The following THRB variants were observed in gnomAD, a reference collection of about 807,000 sequenced individuals.
THRB encodes nuclear receptor subfamily 1 group A member 2.
Under a neutral mutation model 47.8 loss-of-function variants are expected in THRB, and 12 were observed. That is an observed-to-expected ratio of 0.25 (90% confidence interval 0.16 to 0.41). The LOEUF is 0.41. THRB is among the 10% of genes least tolerant of loss of function. THRB has a pLI of 1.00. For missense variants in THRB, 348 were observed against 589.2 expected (o/e 0.59, Z 4.24); for synonymous variants, 218 against 212.2 (o/e 1.03, Z -0.24).
chr3:24,392,763 T>C (rs756070526), intron 1 of THRB, among the ~76,000 whole-genome samples: 7 of 152,156 alleles, frequency 4.6e-5, no homozygotes, highest in African/African-American at 9.7e-5. Context: ...TTTGTACTTA[T>C]ATGTTTAGAT....
chr3:24,178,638 G>C (rs1196693150), intron 5 of THRB, among the ~76,000 whole-genome samples: 1 of 152,180 alleles, frequency 6.6e-6, no homozygotes, highest in African/African-American at 2.4e-5. Context: ...CATGAACCTG[G>C]AGGACATTAT....
At chr3:24,293,595 G>A (rs1297083907) in intron 3 of THRB, among the ~76,000 whole-genome samples, 1 of 152,070 alleles carries the variant, frequency 6.6e-6, no homozygotes, top group Non-Finnish European at 1.5e-5. Context: ...CTGTTACAAA[G>A]GTACAGTAAT....
chr3:24,417,283 G>T (rs2068839191), intron 1 of THRB, among the ~76,000 whole-genome samples: 1 of 151,850 alleles, frequency 6.6e-6, no homozygotes, highest in South Asian at 2.1e-4. Context: ...CGCTAATAAT[G>T]TAAAATAAAT....
At chr3:24,341,182 C>CGTTT (rs2062620575) in intron 1 of THRB, among the ~76,000 whole-genome samples, 1 of 85,294 alleles carries the variant, frequency 1.2e-5, no homozygotes, top group African/African-American at 7.1e-5. Flanking sequence ...CCTTTCCTTT[C>CGTTT]CTTTCGTTTC....
At chr3:24,241,104 G>A (rs185326461) in intron 3 of THRB, among the ~76,000 whole-genome samples, 4 of 152,268 alleles carry the variant, frequency 2.6e-5, no homozygotes, top group African/African-American at 7.2e-5. Context: ...GCAACAAAAC[G>A]GCAATGAGAC....
chr3:24,337,874 A>C (rs112209745), intron 1 of THRB, among the ~76,000 whole-genome samples: 4,747 of 152,242 alleles, frequency 0.031, 92 homozygotes, highest in African/African-American at 0.052. Context: ...TCAGGGTATG[A>C]ATGTAAGCAT....
At chr3:24,159,767 GTGTT>G (rs2038490384) in intron 5 of THRB, among the ~76,000 whole-genome samples, 1 of 135,076 alleles carries the variant, frequency 7.4e-6, no homozygotes. Flanking sequence ...GTGTGTGTGT[GTGTT>G]TGCTACTGGT....
At chr3:24,127,044 C>T (rs965480248) in intron 10 of THRB, among the ~76,000 whole-genome samples, 16 of 152,278 alleles carry the variant, frequency 1.1e-4, no homozygotes, top group African/African-American at 2.6e-4. Flanking sequence ...AGTTTTGGGT[C>T]GGTGTGCTAT....
At chr3:24,180,040 C>T (rs1032538083) in intron 5 of THRB, among the ~76,000 whole-genome samples, 4 of 152,134 alleles carry the variant, frequency 2.6e-5, no homozygotes, top group African/African-American at 9.7e-5. Flanking sequence ...CCTGGAAACC[C>T]ATTCAATTGA....
intron 3 of THRB, among the ~76,000 whole-genome samples, chr3:24,273,652 T>A (rs1435862871): frequency 1.3e-5 from 2 of 152,218 alleles, no homozygotes; most frequent in Admixed American, 1.3e-4. Flanking sequence ...TGTTTCATAG[T>A]CTTTATTGAT....
At chr3:24,204,449 G>A (rs1329725185) in intron 4 of THRB, among the ~76,000 whole-genome samples, 3 of 152,210 alleles carry the variant, frequency 2.0e-5, no homozygotes, top group African/African-American at 7.2e-5. Flanking sequence ...GGTCCTGACT[G>A]GTAGAAGGAA....
intron 1 of THRB, among the ~76,000 whole-genome samples, chr3:24,482,658 G>A (rs959672642): frequency 6.6e-6 from 1 of 151,684 alleles, no homozygotes; most frequent in Non-Finnish European, 1.5e-5. Flanking sequence ...AAGAGAAGGG[G>A]GTTTCTCTTC....
chr3:24,370,648 C>A (rs529498643), intron 1 of THRB, among the ~76,000 whole-genome samples: 2 of 152,182 alleles, frequency 1.3e-5, no homozygotes, highest in South Asian at 4.1e-4. Context: ...TCTTCTAAAC[C>A]AAAATGGATA....
At chr3:24,211,768 C>T (rs949324685) in intron 4 of THRB, among the ~76,000 whole-genome samples, 1 of 152,134 alleles carries the variant, frequency 6.6e-6, no homozygotes, top group Non-Finnish European at 1.5e-5. Flanking sequence ...TTATCTTGTT[C>T]TTCAGACTCT....
chr3:24,203,207 G>A (rs950390080), intron 4 of THRB, among the ~76,000 whole-genome samples: 4 of 152,152 alleles, frequency 2.6e-5, no homozygotes, highest in Non-Finnish European at 5.9e-5. Flanking sequence ...GAGCTCAGGA[G>A]TCCAAAACCA....
At chr3:24,271,639 C>T (rs763308690) in intron 3 of THRB, among the ~76,000 whole-genome samples, 8 of 152,114 alleles carry the variant, frequency 5.3e-5, no homozygotes, top group Non-Finnish European at 1.0e-4. Context: ...CCTATTCTTA[C>T]CAGAATTAGA....
chr3:24,261,320 G>A (rs113967141), intron 3 of THRB, among the ~76,000 whole-genome samples: 18,400 of 151,946 alleles, frequency 0.12, 1,207 homozygotes, highest in East Asian at 0.18. Context: ...GGCCAACATG[G>A]TGAAACCCCG....
intron 5 of THRB, among the ~76,000 whole-genome samples, chr3:24,157,099 A>G (rs1054341267): frequency 6.6e-6 from 1 of 152,198 alleles, no homozygotes; most frequent in Non-Finnish European, 1.5e-5. Context: ...AAACAGCATT[A>G]ACTTTGGAGG....
intron 1 of THRB, among the ~76,000 whole-genome samples, chr3:24,377,692 TGA>T (rs2065394630): frequency 6.6e-6 from 1 of 152,124 alleles, no homozygotes. Context: ...AACTTTCTAG[TGA>T]GAGAGTCAAC....
Sources: allele counts gnomAD v4.1 joint callset (sites outside exome capture counted in the v4.1 genomes callset), GRCh38; gene constraint gnomAD v4.1.1; transcripts MANE v1.5; gene names NCBI Gene and HGNC (gene_info 2026-07-23, HGNC 2026-07-21).